MDGA2: variants seen among roughly 807,000 people sequenced by gnomAD.
MDGA2 encodes MAM domain containing glycosylphosphatidylinositol anchor 2.
In MDGA2, 40 loss-of-function variants were observed where a neutral mutation model predicts 117.8. That is an observed-to-expected ratio of 0.34 (90% CI 0.26 to 0.44). The LOEUF (loss-of-function observed/expected upper bound fraction) is 0.44, where lower values mean the gene tolerates loss of function less well. MDGA2 is among the 20% of genes least tolerant of loss of function. MDGA2 has a pLI of 1.00. For synonymous variants in MDGA2, 452 were observed against 439.0 expected (o/e 1.03, Z -0.37); for missense variants, 1,123 against 1,250.6 (o/e 0.90, Z 1.54).
intron 1 of MDGA2, among the ~76,000 whole-genome samples, chr14:47,415,857 G>A (rs1892465000): frequency 6.6e-6 from 1 of 152,146 alleles, no homozygotes; most frequent in Non-Finnish European, 1.5e-5. Flanking sequence ...GGACCTCTCT[G>A]GGGCCTCTTT....
chr14:47,475,204 G>A (rs1223006794), intron 1 of MDGA2, among the ~76,000 whole-genome samples: 1 of 152,154 alleles, frequency 6.6e-6, no homozygotes, highest in Non-Finnish European at 1.5e-5. Flanking sequence ...AGATATTCAT[G>A]TGGCCAAGAA....
At chr14:47,558,557 A>C (rs186968867) in intron 1 of MDGA2, among the ~76,000 whole-genome samples, 1 of 152,336 alleles carries the variant, frequency 6.6e-6, no homozygotes, top group East Asian at 1.9e-4. Flanking sequence ...TTGACAAAAT[A>C]AAACAGGCTT....
intron 7 of MDGA2, chr14:47,058,726 C>T: frequency 1.0e-6 from 1 of 985,260 alleles, no homozygotes; most frequent in Non-Finnish European, 1.2e-6. Context: ...ATTGGAACAT[C>T]AAAGGTCAGT....
chr14:47,530,534 C>A (rs1594902121), intron 1 of MDGA2, among the ~76,000 whole-genome samples: 2 of 152,134 alleles, frequency 1.3e-5, no homozygotes, highest in East Asian at 1.9e-4. Flanking sequence ...CCCCATGTGA[C>A]CTTCTCACCT....
chr14:46,861,294 A>C (rs983107399), intron 14 of MDGA2, among the ~76,000 whole-genome samples: 2 of 151,896 alleles, frequency 1.3e-5, no homozygotes, highest in African/African-American at 4.8e-5. Flanking sequence ...AAAACATATT[A>C]ATATGTGTGA....
intron 14 of MDGA2, among the ~76,000 whole-genome samples, chr14:46,861,129 T>C (rs1450548710): frequency 6.6e-6 from 1 of 151,866 alleles, no homozygotes; most frequent in Non-Finnish European, 1.5e-5. Flanking sequence ...ACCTTTTATT[T>C]TGATTTAATT....
chr14:46,886,743 C>G (rs1472020786), intron 10 of MDGA2, among the ~76,000 whole-genome samples: 1 of 152,040 alleles, frequency 6.6e-6, no homozygotes, highest in Non-Finnish European at 1.5e-5. Context: ...TCTTAAAACT[C>G]TTTCCCCCTT....
intron 1 of MDGA2, among the ~76,000 whole-genome samples, chr14:47,462,056 C>T (rs1462359346): frequency 6.6e-6 from 1 of 152,166 alleles, no homozygotes; most frequent in African/African-American, 2.4e-5. Context: ...TTAAAAGAAG[C>T]TTAATACACT....
chr14:46,999,979 C>T (rs1887444234), intron 8 of MDGA2, among the ~76,000 whole-genome samples: 1 of 151,860 alleles, frequency 6.6e-6, no homozygotes, highest in South Asian at 2.1e-4. Context: ...TGAAGTGAAT[C>T]ACCTGGATTG....
intron 9 of MDGA2, among the ~76,000 whole-genome samples, chr14:46,937,216 C>A (rs537675952): frequency 1.2e-4 from 18 of 147,918 alleles, no homozygotes; most frequent in Admixed American, 4.7e-4. Flanking sequence ...CCCCCGACAC[C>A]CCCCCCAACA....
intron 7 of MDGA2, among the ~76,000 whole-genome samples, 174 bp from the exon 8 acceptor site, chr14:47,035,478 G>A (rs367565494): frequency 6.6e-6 from 1 of 152,140 alleles, no homozygotes; most frequent in Admixed American, 6.6e-5. Flanking sequence ...ATTCTTAATT[G>A]TTTTCACTGT....
chr14:46,880,803 C>CAAAAAAAAAA (rs568224124), intron 11 of MDGA2, among the ~76,000 whole-genome samples: 1 of 54,084 alleles, frequency 1.8e-5, no homozygotes, highest in Non-Finnish European at 3.5e-5. Context: ...ATCCCGTCTC[C>CAAAAAAAAAA]AAAAAAAAAA....
chr14:47,498,450 T>C (rs1894328158), intron 1 of MDGA2, among the ~76,000 whole-genome samples: 1 of 152,184 alleles, frequency 6.6e-6, no homozygotes, highest in Non-Finnish European at 1.5e-5. Context: ...AAGATCTTGA[T>C]TTTTGCTGTT....
At position 47,184,527 on chromosome 14, in the gene MDGA2, T is replaced by C. The variant is rs534492685; in HGVS notation, c.595+33494A>G. Among the ~76,000 whole-genome samples, 15 of 152,014 alleles carry C rather than the reference T, an allele frequency of 9.9e-5. No individual in the cohort carries two copies. In the South Asian group the frequency reaches 2.5e-3, roughly 25 times the overall value. On this transcript the variant is annotated intron_variant, in intron 3 of 16. Transcript: ENST00000399232. Reference sequence around the variant, plus strand: ...TTCTTTCTTTCTCTTCCCAAGTTCTTACGCTATTTCATCACCTATAAGACT... The same window carrying C: ...TTCTTTCTTTCTCTTCCCAAGTTCTCACGCTATTTCATCACCTATAAGACT...
intron 1 of MDGA2, among the ~76,000 whole-genome samples, chr14:47,644,913 C>A (rs1370043385): frequency 1.3e-5 from 2 of 151,788 alleles, no homozygotes; most frequent in Admixed American, 1.3e-4. Context: ...AGTTTCAGAG[C>A]AGGAGAAAGA....
intron 3 of MDGA2, among the ~76,000 whole-genome samples, chr14:47,177,567 G>GC (rs1454319119): frequency 1.2e-4 from 18 of 152,040 alleles, no homozygotes; most frequent in African/African-American, 3.9e-4. Context: ...ATCAAACACC[G>GC]CATGTTCTCA....
intron 1 of MDGA2, among the ~76,000 whole-genome samples, chr14:47,389,298 C>T (rs1419419449): frequency 1.3e-5 from 2 of 152,058 alleles, no homozygotes; most frequent in Admixed American, 1.3e-4. Context: ...AACACATAAA[C>T]ATGTTGACTT....
At chr14:47,246,894 A>G (rs1483420794) in intron 2 of MDGA2, among the ~76,000 whole-genome samples, 1 of 151,228 alleles carries the variant, frequency 6.6e-6, no homozygotes, top group East Asian at 1.9e-4. Flanking sequence ...GCAGAGGGTG[A>G]GGCTGCAGTC....
At chr14:47,563,578 GTTTTTTTTTTTTT>G (rs56244321) in intron 1 of MDGA2, among the ~76,000 whole-genome samples, 5 of 56,944 alleles carry the variant, frequency 8.8e-5, no homozygotes, top group East Asian at 7.7e-4. Context: ...GCTTTTTTCT[GTTTTTTTTTTTTT>G]TTTTTTTTTT....
Sources: gnomAD v4.1 joint callset for allele counts (sites outside exome capture counted in the v4.1 genomes callset) on GRCh38, gnomAD v4.1.1 for gene constraint, MANE v1.5 for transcripts, NCBI Gene and HGNC (gene_info 2026-07-23, HGNC 2026-07-21) for gene names.